Variants in YWHAG observed in about 807,000 individuals in gnomAD.
YWHAG encodes 14-3-3 protein gamma.
YWHAG carries 1 observed loss-of-function variant against 23.3 expected under a neutral mutation model. The ratio of observed to expected loss-of-function variants is 0.04; its 90% confidence interval spans 0.02 to 0.20. The LOEUF is 0.20. Among genes scored for constraint, YWHAG ranks in the 10% least tolerant of loss-of-function variants. YWHAG has a pLI of 1.00. For synonymous variants in YWHAG, 160 were observed against 144.0 expected (o/e 1.11, Z -0.80); for missense variants, 151 against 338.6 (o/e 0.45, Z 4.35).
At position 76,330,167 on chromosome 7, in the gene YWHAG, CGTTCTT is replaced by C; in HGVS notation, c.148_153del (p.Lys50_Asn51del). 1 of 1,610,932 alleles carries C rather than the reference CGTTCTT, an allele frequency of 6.2e-7. No homozygotes were observed. Among genetic ancestry groups the C allele is most frequent in the Non-Finnish European group, 8.5e-7 (1 of 1,178,896 alleles). On this transcript the variant is annotated inframe_deletion, in exon 2 of 2. Coordinates refer to ENST00000307630, the MANE Select transcript of YWHAG (RefSeq NM_012479.4). The stretch of plus-strand genomic sequence containing the variant: ...CAGGAAGAGCGGCGTGCCCCCACAA[CGTTCTT>C]GTAGGCCACAGACAGAAGGTTTCGT...
rs759611694 is a variant in YWHAG, at chr7:76,330,026, C to T, written c.295G>A (p.Asp99Asn). The change falls in exon 2 of 2, where the codon GAT (aspartate) becomes AAT (asparagine). Residue 99 changes from aspartate (D) to asparagine (N), a missense_variant. Asp to Asn is a conservative substitution (Grantham distance 23). Transcript: ENST00000307630. ...IEKELEAVCQ[D>N]VLSLLDNYLI... ...TAGTTATCCAGCAGGCTCAGCACAT[C>T]CTGGCACACAGCCTCCAACTCCTTC... 1.1e-4 allele frequency: 177 copies of T among 1,614,056 alleles called. No individual in the cohort carries two copies. Among genetic ancestry groups the T allele is most frequent in the Non-Finnish European group, 1.5e-4 (172 of 1,180,044 alleles).
chr7:76,349,047 A>C lies in YWHAG; in HGVS notation c.87+9675T>G, dbSNP rs73359660. Among the ~76,000 whole-genome samples the C allele has an allele frequency of 8.2e-3, 1,253 of 152,148 alleles. 18 individuals carry two copies. Among genetic ancestry groups the C allele is most frequent in the African/African-American group, 0.029 (1,203 of 41,504 alleles). ...TTTCATCTAAGTGTGTAATTTAAAAAATCTCGTCTTCCCGGCCGGGTGTGG... is the reference window on the plus strand; with the variant it reads ...TTTCATCTAAGTGTGTAATTTAAAACATCTCGTCTTCCCGGCCGGGTGTGG... On this transcript the variant is annotated intron_variant, in intron 1 of 1. Transcript: ENST00000307630.
At chr7:76,341,356 G>A (rs958966221) in intron 1 of YWHAG, among the ~76,000 whole-genome samples, 18 of 147,188 alleles carry the variant, frequency 1.2e-4, no homozygotes, top group Non-Finnish European at 2.1e-4. Flanking sequence ...GTGAGCTGAG[G>A]TGGCGCCACT....
chr7:76,333,506 T>G (rs1009289070), intron 1 of YWHAG, among the ~76,000 whole-genome samples: 1 of 152,262 alleles, frequency 6.6e-6, no homozygotes, highest in Non-Finnish European at 1.5e-5. Flanking sequence ...AGGGGATGTC[T>G]ACATTTCCTA....
intron 1 of YWHAG, among the ~76,000 whole-genome samples, chr7:76,340,931 C>A (rs947360794): frequency 6.6e-6 from 1 of 152,138 alleles, no homozygotes; most frequent in African/African-American, 2.4e-5. Flanking sequence ...GGCTGGAGTG[C>A]AGTAGTATGA....
chr7:76,355,635 G>T (rs182353013), intron 1 of YWHAG, among the ~76,000 whole-genome samples: 1 of 152,050 alleles, frequency 6.6e-6, no homozygotes, highest in South Asian at 2.1e-4. Flanking sequence ...GAAGAGCCTG[G>T]GGGGGAGGGG....
intron 1 of YWHAG, among the ~76,000 whole-genome samples, chr7:76,357,880 C>A (rs1803984113): frequency 1.3e-5 from 2 of 152,100 alleles, no homozygotes; most frequent in South Asian, 4.1e-4. Context: ...AGACGCGTGC[C>A]TGTATTCAAA....
intron 1 of YWHAG, among the ~76,000 whole-genome samples, chr7:76,356,213 G>T (rs1803953190): frequency 6.6e-6 from 1 of 152,162 alleles, no homozygotes; most frequent in Non-Finnish European, 1.5e-5. Flanking sequence ...TTATAAACAG[G>T]AAGAAAATTT....
chr7:76,349,459 AC>A (rs1803841914), intron 1 of YWHAG, among the ~76,000 whole-genome samples: 1 of 151,722 alleles, frequency 6.6e-6, no homozygotes, highest in Non-Finnish European at 1.5e-5. Context: ...ACACACACAC[AC>A]ACACACAGCC....
intron 1 of YWHAG, among the ~76,000 whole-genome samples, chr7:76,338,892 C>T (rs1008443996): frequency 6.6e-6 from 1 of 152,186 alleles, no homozygotes; most frequent in African/African-American, 2.4e-5. Context: ...TGTGCATTCA[C>T]ACGACATTTC....
Position 76,329,925 on chromosome 7 carries a change from G to A in YWHAG, c.396C>T (p.Arg132=). ...CTCCGGTGGCCACTTCAGCCAGGTAGCGGTAGTAGTCCCCTTTCATCTTCA... is the reference window on the plus strand; with the variant it reads ...CTCCGGTGGCCACTTCAGCCAGGTAACGGTAGTAGTCCCCTTTCATCTTCA... ...FYLKMKGDYY[R]YLAEVATGEK... Residue 132 remains arginine, a synonymous_variant, in exon 2 of 2, where the codon CGC becomes CGT. Transcript: ENST00000307630. The surrounding 1 kb of genome is among the most constrained non-coding windows in gnomAD (Gnocchi z 6.1). 2 of 1,614,122 alleles carry A rather than the reference G, an allele frequency of 1.2e-6. No homozygotes were observed. The highest frequency in any genetic ancestry group is 1.7e-6 in the Non-Finnish European group (2 of 1,180,026).
chr7:76,354,540 CAATAA>C (rs764798030), intron 1 of YWHAG, among the ~76,000 whole-genome samples: 12 of 152,110 alleles, frequency 7.9e-5, no homozygotes, highest in African/African-American at 2.9e-4. Flanking sequence ...AAATAAAATA[CAATAA>C]AATAAAATAA....
At chr7:76,354,462 G>T (rs1212526498) in intron 1 of YWHAG, among the ~76,000 whole-genome samples, 1 of 151,672 alleles carries the variant, frequency 6.6e-6, no homozygotes, top group African/African-American at 2.4e-5. Context: ...GGTGAGCCGA[G>T]ATACCACACC....
At chr7:76,345,278 C>T (rs1165442743) in intron 1 of YWHAG, among the ~76,000 whole-genome samples, 1 of 151,346 alleles carries the variant, frequency 6.6e-6, no homozygotes, top group African/African-American at 2.4e-5. Context: ...CTCTGCCTCC[C>T]GGGTTCACAC....
rs1563660690 is a variant in YWHAG at position 76,327,688 on chromosome 7, C to CCCCCCCCCCCCCCCCCT, written c.*1888_*1889insAGGGGGGGGGGGGGGGG. 8.4e-6 allele frequency: 1 copy of CCCCCCCCCCCCCCCCCT among 118,512 alleles called. No individual in the cohort carries two copies. Among genetic ancestry groups the CCCCCCCCCCCCCCCCCT allele is most frequent in the African/African-American group, 3.3e-5 (1 of 30,068 alleles). The allele number at this position is 118,512 out of a possible 1,614,324, so 7.3% of individuals were successfully genotyped here. A position where few individuals can be genotyped will look rare whatever the true frequency, so the allele number is the denominator to read the frequency against. ...ACCCTGCCCCCCCCCCCCTCCCCCCCCAAATCGTCTTCCTCCCATGGCAAT... is the reference window on the plus strand; with the variant it reads ...ACCCTGCCCCCCCCCCCCTCCCCCCCCCCCCCCCCCCCCCCCTCAAATCGTCTTCCTCCCATGGCAAT... On this transcript the variant is annotated 3_prime_UTR_variant, in exon 2 of 2. Transcript: ENST00000307630.
At position 76,329,483 on chromosome 7, in the gene YWHAG, T is replaced by A; in HGVS notation, c.*94A>T. 1.9e-4 allele frequency: 188 copies of A among 973,500 alleles called. No homozygotes were observed. Among genetic ancestry groups the A allele is most frequent in the Middle Eastern group, 3.8e-4 (1 of 2,610 alleles). 60.3% of individuals were successfully genotyped at this position (973,500 alleles called of 1,614,324 possible). A position where few individuals can be genotyped will look rare whatever the true frequency, so the allele number is the denominator to read the frequency against. Reference sequence around the variant, plus strand: ...GGTTTCTCCCTGGGAAGGTCATCCCTCCCTTTCCCTCCCCCACCCGACCCC... The same window carrying A: ...GGTTTCTCCCTGGGAAGGTCATCCCACCCTTTCCCTCCCCCACCCGACCCC... On this transcript the variant is annotated 3_prime_UTR_variant, in exon 2 of 2. Transcript: ENST00000307630. The surrounding 1 kb of genome is among the most constrained non-coding windows in gnomAD (Gnocchi z 6.1).
Position 76,328,070 on chromosome 7 carries a change from TTCC to T in YWHAG, c.*1504_*1506del, listed in dbSNP as rs1803479050. ...GTGGTGTCATTACACGTCTCGGGAG[TTCC>T]TCGTCACTGACTTTATATATATAAA... On this transcript the variant is annotated 3_prime_UTR_variant, in exon 2 of 2. Transcript: ENST00000307630. The T allele has an allele frequency of 6.6e-6, 1 of 151,542 alleles. No homozygotes were observed. Among genetic ancestry groups the T allele is most frequent in the African/African-American group, 2.4e-5 (1 of 41,188 alleles). 9.4% of individuals were successfully genotyped at this position (151,542 alleles called of 1,614,324 possible). A position where few individuals can be genotyped will look rare whatever the true frequency, so the allele number is the denominator to read the frequency against.
At chr7:76,341,006 TG>T (rs1803685008) in intron 1 of YWHAG, among the ~76,000 whole-genome samples, 1 of 152,150 alleles carries the variant, frequency 6.6e-6, no homozygotes, top group South Asian at 2.1e-4. Flanking sequence ...CCCAAGTAGC[TG>T]GGACTACAGG....
In YWHAG at chr7:76,329,509, C is replaced by CCCA; in HGVS notation, c.*67_*68insTGG. The stretch of plus-strand genomic sequence containing the variant: ...CCCTTTCCCTCCCCCACCCGACCCC[C>CCCA]AACTCATGGGAAAAAAATAAAGACT... On this transcript the variant is annotated 3_prime_UTR_variant, in exon 2 of 2. Coordinates refer to ENST00000307630, the MANE Select transcript of YWHAG (RefSeq NM_012479.4). The surrounding 1 kb of genome is among the most constrained non-coding windows in gnomAD (Gnocchi z 6.1). The CCCA allele has an allele frequency of 2.8e-6, 4 of 1,421,550 alleles. No homozygotes were observed. The highest frequency in any genetic ancestry group is 3.7e-6 in the Non-Finnish European group (4 of 1,069,494). 88.1% of individuals were successfully genotyped at this position (1,421,550 alleles called of 1,614,324 possible).
Sources: allele counts gnomAD v4.1 joint callset (sites outside exome capture counted in the v4.1 genomes callset), GRCh38; gene constraint gnomAD v4.1.1; non-coding constraint Gnocchi (gnomAD v3.1); transcripts MANE v1.5; gene names NCBI Gene and HGNC (gene_info 2026-07-23, HGNC 2026-07-21).